Variants in FAM227B observed in about 807,000 individuals in gnomAD.
FAM227B encodes protein FAM227B.
In FAM227B, 88 loss-of-function variants were observed where a neutral mutation model predicts 73.8. The observed-to-expected ratio is 1.19, with a 90% CI of 1.00 to 1.42. The LOEUF is 1.42. Among genes scored for constraint, FAM227B ranks in the 40% most tolerant of loss-of-function variants. FAM227B has a pLI of 0.00. For synonymous variants in FAM227B, 210 were observed against 190.5 expected (o/e 1.10, Z -0.84); for missense variants, 632 against 590.9 (o/e 1.07, Z -0.72).
intron 11 of FAM227B, among the ~76,000 whole-genome samples, chr15:49,385,595 CA>C (rs1473834289): frequency 7.5e-6 from 1 of 134,086 alleles, no homozygotes; most frequent in Non-Finnish European, 1.6e-5. Context: ...AACAGTAACA[CA>C]ATGAAAAAAA....
At chr15:49,529,797 C>G (rs1342881209) in intron 10 of FAM227B, among the ~76,000 whole-genome samples, 1 of 151,648 alleles carries the variant, frequency 6.6e-6, no homozygotes, top group Non-Finnish European at 1.5e-5. Context: ...TTGGCTAGCA[C>G]TAATCTTTTC....
rs200955350 is a variant in FAM227B at position 49,381,863 on chromosome 15, TATAA to T, written c.1013-10468_1013-10465del. 5.6e-3 allele frequency among the ~76,000 whole-genome samples: 856 copies of T among 152,280 alleles called. 7 individuals are homozygous for T. Among genetic ancestry groups the T allele is most frequent in the African/African-American group, 0.02 (816 of 41,554 alleles). ...CAAATACATAAAAATTTATCACTGT[TATAA>T]ATGTCAGCAGTTGACCAGTTAGACA... On this transcript the variant is annotated intron_variant, in intron 11 of 15. Coordinates refer to ENST00000299338, the MANE Select transcript of FAM227B (RefSeq NM_152647.3).
At chr15:49,373,419 T>C (rs985919688) in intron 11 of FAM227B, among the ~76,000 whole-genome samples, 1 of 152,134 alleles carries the variant, frequency 6.6e-6, no homozygotes, top group African/African-American at 2.4e-5. Context: ...CTCTAACCCA[T>C]TGATTAGTTT....
intron 11 of FAM227B, among the ~76,000 whole-genome samples, chr15:49,405,634 TTCTG>T (rs1407898270): frequency 1.3e-5 from 2 of 152,212 alleles, no homozygotes; most frequent in African/African-American, 2.4e-5. Flanking sequence ...ATAGTGGCTA[TTCTG>T]TCTGTCAGCT....
chr15:49,525,426 C>T (rs960377336), intron 10 of FAM227B, among the ~76,000 whole-genome samples: 14 of 151,898 alleles, frequency 9.2e-5, no homozygotes, highest in Non-Finnish European at 1.9e-4. Context: ...AACTTAAGTA[C>T]ATTAAACCTT....
At position 49,567,549 on chromosome 15, in the gene FAM227B, G is replaced by A. The variant is rs571322022; in HGVS notation, c.747+696C>T. The stretch of plus-strand genomic sequence containing the variant: ...TTAGGCTTGTTTATATATTCATCAT[G>A]AAAGACACCTTTTTATTTTGGGTAT... On this transcript the variant is annotated intron_variant, in intron 9 of 15. Coordinates refer to ENST00000299338, the MANE Select transcript of FAM227B (RefSeq NM_152647.3). Among the ~76,000 whole-genome samples, 5 of 152,182 alleles carry A rather than the reference G, an allele frequency of 3.3e-5. No homozygotes were observed. In the East Asian group the frequency reaches 9.6e-4, roughly 29 times the overall value.
At chr15:49,427,835 G>C (rs2050258913) in intron 11 of FAM227B, among the ~76,000 whole-genome samples, 1 of 151,944 alleles carries the variant, frequency 6.6e-6, no homozygotes, top group African/African-American at 2.4e-5. Context: ...TAGATGGTTG[G>C]AGGGCATGGA....
At position 49,341,365 on chromosome 15, in the gene FAM227B, T is replaced by C. The variant is rs540293135; in HGVS notation, c.1272-5869A>G. 6.6e-5 allele frequency among the ~76,000 whole-genome samples: 10 copies of C among 152,330 alleles called. No individual in the cohort carries two copies. The East Asian group carries it at 1.7e-3, about 26-fold the overall frequency. On this transcript the variant is annotated intron_variant, in intron 13 of 15. Transcript: ENST00000299338. ...GGGTAGTATGGCAAGTTTAACAATA[T>C]TGATTCTTCCAACCCATGAGCATAG...
intron 13 of FAM227B, among the ~76,000 whole-genome samples, chr15:49,342,273 A>G (rs1370230463): frequency 6.6e-6 from 1 of 152,190 alleles, no homozygotes; most frequent in Non-Finnish European, 1.5e-5. Flanking sequence ...ACTTTTTATC[A>G]TTATGTAATA....
intron 11 of FAM227B, among the ~76,000 whole-genome samples, chr15:49,482,368 T>G (rs1002826888): frequency 2.0e-5 from 3 of 152,084 alleles, no homozygotes; most frequent in African/African-American, 7.2e-5. Flanking sequence ...GATTTAAAAG[T>G]TAATTACAAA....
At chr15:49,554,417 G>A (rs138650492) in intron 9 of FAM227B, among the ~76,000 whole-genome samples, 1 of 152,252 alleles carries the variant, frequency 6.6e-6, no homozygotes, top group African/African-American at 2.4e-5. Flanking sequence ...AGATTTACTT[G>A]GAGACACAGA....
intron 9 of FAM227B, among the ~76,000 whole-genome samples, chr15:49,550,008 G>T (rs2072620328): frequency 1.7e-5 from 2 of 117,228 alleles, no homozygotes; most frequent in South Asian, 5.1e-4. Flanking sequence ...GCCGGGCAGG[G>T]GGCTGACCCC....
At chr15:49,554,016 A>C (rs1342359211) in intron 9 of FAM227B, among the ~76,000 whole-genome samples, 1 of 152,106 alleles carries the variant, frequency 6.6e-6, no homozygotes, top group Non-Finnish European at 1.5e-5. Flanking sequence ...GCAGGTGATA[A>C]TGTTGCCAGG....
chr15:49,390,629 A>C (rs1331048986), intron 11 of FAM227B, among the ~76,000 whole-genome samples: 1 of 152,088 alleles, frequency 6.6e-6, no homozygotes, highest in Admixed American at 6.6e-5. Context: ...TCAGGCTTTT[A>C]TCCTCCCTCC....
At chr15:49,442,422 A>G (rs1164949735) in intron 11 of FAM227B, among the ~76,000 whole-genome samples, 1 of 151,706 alleles carries the variant, frequency 6.6e-6, no homozygotes, top group African/African-American at 2.4e-5. Context: ...TGAGAACTGT[A>G]AAACAGTATA....
At chr15:49,346,149 C>T (rs2041469858) in intron 13 of FAM227B, among the ~76,000 whole-genome samples, 1 of 151,526 alleles carries the variant, frequency 6.6e-6, no homozygotes, top group African/African-American at 2.4e-5. Context: ...ATCCATAGTT[C>T]ACCAAAACAA....
chr15:49,573,200 T>C (rs2075232035), intron 8 of FAM227B, among the ~76,000 whole-genome samples: 1 of 151,402 alleles, frequency 6.6e-6, no homozygotes, highest in Non-Finnish European at 1.5e-5. Flanking sequence ...CCATGGTAAC[T>C]GAGAATTGTG....
At chr15:49,512,682 C>A (rs551423693) in intron 10 of FAM227B, among the ~76,000 whole-genome samples, 1 of 151,996 alleles carries the variant, frequency 6.6e-6, no homozygotes, top group East Asian at 1.9e-4. Flanking sequence ...CACCTATGAA[C>A]CTGTCACCTA....
intron 11 of FAM227B, among the ~76,000 whole-genome samples, chr15:49,466,493 T>G (rs909340147): frequency 1.8e-4 from 27 of 152,302 alleles, no homozygotes; most frequent in African/African-American, 6.5e-4. Flanking sequence ...GAGCTTTGGA[T>G]AGTAAATAAA....
Sources: gnomAD v4.1 joint callset for allele counts (sites outside exome capture counted in the v4.1 genomes callset) on GRCh38, gnomAD v4.1.1 for gene constraint, MANE v1.5 for transcripts, NCBI Gene and HGNC (gene_info 2026-07-23, HGNC 2026-07-21) for gene names.